RAI14: variants seen among roughly 807,000 people sequenced by gnomAD.
The protein encoded by RAI14 is ankycorbin.
RAI14 carries 45 observed loss-of-function variants against 115.4 expected under a neutral mutation model. That is an observed-to-expected ratio of 0.39 (90% CI 0.31 to 0.50). The LOEUF is 0.50. RAI14 is among the 20% of genes least tolerant of loss of function. RAI14 has a pLI of 0.85. For synonymous variants in RAI14, 371 were observed against 415.4 expected (o/e 0.89, Z 1.30); for missense variants, 939 against 1,131.2 (o/e 0.83, Z 2.44).
At chr5:34,673,706 T>C (rs1743776751) in intron 1 of RAI14, among the ~76,000 whole-genome samples, 1 of 152,176 alleles carries the variant, frequency 6.6e-6, no homozygotes, top group South Asian at 2.1e-4. Flanking sequence ...AGTGTGGCTA[T>C]AGCAGGGCCT....
chr5:34,788,699 G>T (rs138775063), intron 3 of RAI14, among the ~76,000 whole-genome samples: 2 of 152,166 alleles, frequency 1.3e-5, no homozygotes, highest in African/African-American at 4.8e-5. Flanking sequence ...GCTGGGCATG[G>T]TGGCTCACGC....
chr5:34,783,450 T>G (rs1751914761), intron 3 of RAI14, among the ~76,000 whole-genome samples: 1 of 152,212 alleles, frequency 6.6e-6, no homozygotes, highest in South Asian at 2.1e-4. Flanking sequence ...GGTTCTGGCC[T>G]GGAGAAACAC....
intron 4 of RAI14, among the ~76,000 whole-genome samples, chr5:34,800,896 G>A (rs1754180514): frequency 6.6e-6 from 1 of 152,180 alleles, no homozygotes; most frequent in African/African-American, 2.4e-5. Flanking sequence ...GACATAAACG[G>A]TCTCCATCTT....
intron 3 of RAI14, among the ~76,000 whole-genome samples, chr5:34,781,268 T>C (rs1322464757): frequency 1.3e-5 from 2 of 151,824 alleles, no homozygotes; most frequent in East Asian, 3.9e-4. Flanking sequence ...ATATACCTAA[T>C]GTAAATGACG....
chr5:34,719,071 A>C (rs1303268581), intron 2 of RAI14, among the ~76,000 whole-genome samples: 1 of 152,222 alleles, frequency 6.6e-6, no homozygotes, highest in Non-Finnish European at 1.5e-5. Context: ...TACACTCACC[A>C]ATTCTCTGGA....
intron 2 of RAI14, among the ~76,000 whole-genome samples, chr5:34,725,059 A>C (rs894610215): frequency 3.2e-4 from 48 of 152,008 alleles, no homozygotes; most frequent in African/African-American, 7.2e-4. Context: ...GAAAAAAAAA[A>C]CCAACTTCAT....
Position 34,823,311 on chromosome 5 carries a change from G to A in RAI14, c.1469G>A (p.Ser490Asn). The A allele has an allele frequency of 6.2e-7, 1 of 1,614,024 alleles. No homozygotes were observed. The highest frequency in any genetic ancestry group is 1.1e-5 in the South Asian group (1 of 91,084). The change falls in exon 15 of 18, where the codon AGC becomes AAC. Residue 490 changes from serine to asparagine, a missense_variant. By Grantham distance (46) the Ser-to-Asn change is conservative. Coordinates refer to ENST00000265109, the MANE Select transcript of RAI14 (RefSeq NM_015577.3). This position sits in a 1 kb window ranked among gnomAD's most constrained non-coding sequence, Gnocchi z 4.5. ...DLSQKLKETQ[S>N]KYEEAMKEVL... ...AGCCAGAAACTTAAAGAAACTCAGA[G>A]CAAATACGAGGAGGCTATGAAAGAA...
chr5:34,800,206 T>C (rs1489710846), intron 4 of RAI14, among the ~76,000 whole-genome samples: 1 of 152,230 alleles, frequency 6.6e-6, no homozygotes, highest in Middle Eastern at 3.2e-3. Context: ...GGTCATAGTC[T>C]GAGGTAGTTT....
At position 34,665,140 on chromosome 5, in the gene RAI14, TAC is replaced by T. The variant is rs1561220930; in HGVS notation, c.-49+8669_-49+8670del. ...GTGTATATATGTATGTGTATATATA[TAC>T]ACATATATATGTGTGTGTATATATA... On this transcript the variant is annotated intron_variant, in intron 1 of 17. Transcript: ENST00000265109. 1.6e-3 allele frequency among the ~76,000 whole-genome samples: 75 copies of T among 47,776 alleles called. 14 individuals are homozygous for T. Among genetic ancestry groups the T allele is most frequent in the Middle Eastern group, 0.013 (1 of 78 alleles). 31.3% of individuals were successfully genotyped at this position (47,776 alleles called of 152,430 possible). A position where few individuals can be genotyped will look rare whatever the true frequency, so the allele number is the denominator to read the frequency against.
At chr5:34,683,818 C>T (rs1163362279) in intron 1 of RAI14, among the ~76,000 whole-genome samples, 1 of 152,040 alleles carries the variant, frequency 6.6e-6, no homozygotes, top group Non-Finnish European at 1.5e-5. Flanking sequence ...AGCTCCGCCT[C>T]CCGGGTTCAC....
At position 34,734,731 on chromosome 5, in the gene RAI14, G is replaced by A. The variant is rs148010997; in HGVS notation, c.37-22737G>A. Among the ~76,000 whole-genome samples, 636 of 151,530 alleles carry A rather than the reference G, an allele frequency of 4.2e-3. 3 individuals are homozygous for A. The highest frequency in any genetic ancestry group is 0.015 in the African/African-American group (608 of 41,272). On this transcript the variant is annotated intron_variant, in intron 2 of 17. Coordinates refer to ENST00000265109, the MANE Select transcript of RAI14 (RefSeq NM_015577.3). Reference sequence around the variant, plus strand: ...GGCTGGAGTGCAGTGGCGCAATCTCGGCTCACTGCAAGCTCCGCCTCCCAG... The same window carrying A: ...GGCTGGAGTGCAGTGGCGCAATCTCAGCTCACTGCAAGCTCCGCCTCCCAG...
chr5:34,759,159 A>G (rs1045598962), intron 3 of RAI14, among the ~76,000 whole-genome samples: 2 of 152,122 alleles, frequency 1.3e-5, no homozygotes, highest in Non-Finnish European at 2.9e-5. Context: ...GCTACTTGGG[A>G]GGCTGAGGCA....
Position 34,824,041 on chromosome 5 carries a change from T to C in RAI14, c.2199T>C (p.His733=). The change falls in exon 15 of 18, where the codon CAT becomes CAC. Residue 733 remains histidine, a synonymous_variant. Coordinates refer to ENST00000265109, the MANE Select transcript of RAI14 (RefSeq NM_015577.3). ...QKENSVSITE[H]LQVITTLRTA... is the part of the protein sequence containing the mutation. The stretch of plus-strand genomic sequence containing the variant: ...AGAACTCTGTCTCTATCACAGAACA[T>C]TTGCAAGTGATAACCACGCTGCGGA... The C allele has an allele frequency of 6.2e-7, 1 of 1,613,994 alleles. No homozygotes were observed. Among genetic ancestry groups the C allele is most frequent in the Non-Finnish European group, 8.5e-7 (1 of 1,179,934 alleles).
intron 1 of RAI14, among the ~76,000 whole-genome samples, chr5:34,683,085 G>A (rs928837315): frequency 2.6e-5 from 4 of 152,212 alleles, no homozygotes; most frequent in East Asian, 3.9e-4. Flanking sequence ...GGCACCTGGC[G>A]TTATTCCAGG....
chr5:34,726,794 C>T (rs1459075223), intron 2 of RAI14, among the ~76,000 whole-genome samples: 1 of 152,164 alleles, frequency 6.6e-6, no homozygotes, highest in African/African-American at 2.4e-5. Flanking sequence ...TGCCTTTGCT[C>T]TTTTTTGTGT....
At position 34,660,231 on chromosome 5, in the gene RAI14, G is replaced by A. The variant is rs548340322; in HGVS notation, c.-49+3756G>A. 2.8e-4 allele frequency among the ~76,000 whole-genome samples: 42 copies of A among 152,092 alleles called. 1 individual carries two copies. The highest frequency in any genetic ancestry group is 5.1e-4 in the African/African-American group (21 of 41,516). ...GTGGATCACCTGAGGTCAGGAGTTC[G>A]AGACCAGCCTGACCAACATGGAGAA... On this transcript the variant is annotated intron_variant, in intron 1 of 17. Coordinates refer to ENST00000265109, the MANE Select transcript of RAI14 (RefSeq NM_015577.3).
At chr5:34,812,384 A>C (rs111847320) in intron 10 of RAI14, among the ~76,000 whole-genome samples, 176 bp downstream of exon 10, 1 of 152,178 alleles carries the variant, frequency 6.6e-6, no homozygotes, top group South Asian at 2.1e-4. Context: ...AAAGGTTGCC[A>C]GGCCGGGCCG....
Position 34,745,664 on chromosome 5 carries a change from T to C in RAI14, c.37-11804T>C, listed in dbSNP as rs192089431. On this transcript the variant is annotated intron_variant, in intron 2 of 17. Transcript: ENST00000265109. ...AGCCAACTGCCCCTTTCTCCCATCCTACCCGATGCCTCCAGTGAAAAATCA... is the reference window on the plus strand; with the variant it reads ...AGCCAACTGCCCCTTTCTCCCATCCCACCCGATGCCTCCAGTGAAAAATCA... Among the ~76,000 whole-genome samples, 251 of 152,342 alleles carry C rather than the reference T, an allele frequency of 1.6e-3. 1 individual carries two copies. Among genetic ancestry groups the C allele is most frequent in the African/African-American group, 5.7e-3 (238 of 41,598 alleles).
rs1018739515 is a variant in RAI14, at chr5:34,687,461, G to T, written c.36+506G>T. Reference sequence around the variant, plus strand: ...TCCTCCCCCCGAATTCCAGGGACTCGTACTCATTTGTTATCTAACCAATCC... The same window carrying T: ...TCCTCCCCCCGAATTCCAGGGACTCTTACTCATTTGTTATCTAACCAATCC... On this transcript the variant is annotated intron_variant, in intron 2 of 17. Coordinates refer to ENST00000265109, the MANE Select transcript of RAI14 (RefSeq NM_015577.3). 7 of 951,670 alleles carry T rather than the reference G, an allele frequency of 7.4e-6. No homozygotes were observed. The East Asian group carries it at 1.6e-4, about 22-fold the overall frequency. The allele number at this position is 951,670 out of a possible 1,614,324, so 59.0% of individuals were successfully genotyped here.
Sources: gnomAD v4.1 joint callset for allele counts (sites outside exome capture counted in the v4.1 genomes callset) on GRCh38, gnomAD v4.1.1 for gene constraint, Gnocchi (gnomAD v3.1) non-coding constraint, MANE v1.5 for transcripts, NCBI Gene and HGNC (gene_info 2026-07-23, HGNC 2026-07-21) for gene names.